Variants in SPTLC1 observed in about 807,000 individuals in gnomAD.
The protein encoded by SPTLC1 is serine palmitoyltransferase long chain base subunit 1, also known as serine palmitoyltransferase 1.
In SPTLC1, 55 loss-of-function variants were observed where a neutral mutation model predicts 68.9. The ratio of observed to expected loss-of-function variants is 0.80; its 90% CI spans 0.64 to 1.00. The LOEUF (loss-of-function observed/expected upper bound fraction) is 1.00, where lower values mean the gene tolerates loss of function less well. Ranked by LOEUF, SPTLC1 falls within the 50% of genes least tolerant of loss-of-function variation. The pLI is 0.00. For synonymous variants in SPTLC1, 197 were observed against 201.6 expected, an observed-to-expected ratio of 0.98 and a Z score of 0.19; for missense variants, 449 against 573.1, an observed-to-expected ratio of 0.78 and a Z score of 2.21.
At chr9:92,094,691 CAT>C (rs112794515) in intron 3 of SPTLC1, among the ~76,000 whole-genome samples, 66 of 152,334 alleles carry the variant, frequency 4.3e-4, no homozygotes, top group African/African-American at 6.0e-4. Flanking sequence ...AATTAAATCA[CAT>C]GTTTCTAGAA....
rs773682043 is a variant in SPTLC1, at chr9:92,115,404, A to G, written c.-34T>C. The G allele has an allele frequency of 6.2e-7, 1 of 1,610,110 alleles. No individual in the cohort carries two copies. Among genetic ancestry groups the G allele is most frequent in the South Asian group, 1.1e-5 (1 of 91,034 alleles). On this transcript the variant is annotated 5_prime_UTR_variant, in exon 1 of 15. Transcript: ENST00000262554. ...GCTTCCTTCCGGAAGGCGGGTCACA[A>G]GCGCGTCCCAAAAGTGCGCGTCGCT...
Position 92,055,461 on chromosome 9 carries a change from T to C in SPTLC1, c.724A>G (p.Ile242Val). ...PRKARVTRRFIVVEGLYMNTG... is the reference protein window; with the variant it reads ...PRKARVTRRFVVVEGLYMNTG... ...TTCATATACAATCCTTCTACTACAA[T>C]GAAACGCCGAGTTACACGAGCCTTG... is the stretch of plus-strand genomic sequence containing the variant. Residue 242 changes from isoleucine (I) to valine (V), a missense_variant, in exon 8 of 15, where the codon ATT becomes GTT. Coordinates refer to ENST00000262554, the MANE Select transcript of SPTLC1 (RefSeq NM_006415.4). 1 of 1,613,818 alleles carries C rather than the reference T, an allele frequency of 6.2e-7. No homozygotes were observed. Among genetic ancestry groups the C allele is most frequent in the Non-Finnish European group, 8.5e-7 (1 of 1,179,972 alleles).
In SPTLC1 at chr9:92,038,293, C is replaced by T. The variant is rs568357208; in HGVS notation, c.1209G>A (p.Gly403=). The change falls in exon 13 of 15, where the codon GGG becomes GGA. Residue 403 remains glycine (G), a synonymous_variant. Transcript: ENST00000262554. ...GCAGTCTGACATCTTGCTCGCGAGA[C>T]CCAGTGCTCTCTTCCAGTTGTAGGT... ...AFHLQLEEST[G]SREQDVRLLQ... The T allele has an allele frequency of 6.2e-7, 1 of 1,614,134 alleles. No homozygotes were observed. The highest frequency in any genetic ancestry group is 1.1e-5 in the South Asian group (1 of 91,076).
rs1391593753 is a variant in SPTLC1, at chr9:92,032,253, T to C, written c.*212A>G. 3 of 1,516,034 alleles carry C rather than the reference T, an allele frequency of 2.0e-6. No homozygotes were observed. Among genetic ancestry groups the C allele is most frequent in the Non-Finnish European group, 2.6e-6 (3 of 1,137,678 alleles). The allele number at this position is 1,516,034 out of a possible 1,614,324, so 93.9% of individuals were successfully genotyped here. ...GTCATTAGTTTTCCTCTTAAAAAAA[T>C]CAGTTCCTGGGCTTTTAGATGTGTT... On this transcript the variant is annotated 3_prime_UTR_variant, in exon 15 of 15. Transcript: ENST00000262554.
At chr9:92,074,239 T>C (rs60743157) in intron 5 of SPTLC1, among the ~76,000 whole-genome samples, 16,375 of 152,030 alleles carry the variant, frequency 0.11, 1,917 homozygotes, top group African/African-American at 0.3. Flanking sequence ...CTGTTTCCCT[T>C]GCCCCCACAA....
At chr9:92,099,393 C>T (rs550248163) in intron 3 of SPTLC1, among the ~76,000 whole-genome samples, 3 of 152,070 alleles carry the variant, frequency 2.0e-5, no homozygotes, top group Non-Finnish European at 2.9e-5. Flanking sequence ...GATATACAGT[C>T]GCGTGCCATT....
At chr9:92,114,212 G>C (rs978456150) in intron 1 of SPTLC1, among the ~76,000 whole-genome samples, 3 of 152,148 alleles carry the variant, frequency 2.0e-5, no homozygotes, top group Admixed American at 2.0e-4. Flanking sequence ...CAACGCAGCA[G>C]TGAGCTGATC....
At chr9:92,084,034 T>G (rs1036318669) in intron 3 of SPTLC1, among the ~76,000 whole-genome samples, 1 of 152,060 alleles carries the variant, frequency 6.6e-6, no homozygotes, top group Non-Finnish European at 1.5e-5. Context: ...ATGATTTGGC[T>G]CTCTGTTTGT....
chr9:92,055,569 C>T, intron 7 of SPTLC1, 75 bp from the exon 8 acceptor site: 2 of 1,393,136 alleles, frequency 1.4e-6, no homozygotes, highest in Non-Finnish European at 1.0e-6. Context: ...TTCCCCAGCA[C>T]TTTCACCTTA....
chr9:92,049,902 G>C, intron 9 of SPTLC1, 58 bp downstream of exon 9: 1 of 1,121,486 alleles, frequency 8.9e-7, no homozygotes, highest in Non-Finnish European at 1.4e-6. Flanking sequence ...AGGCCTAGCA[G>C]AATGGAACTA....
At chr9:92,085,135 T>C (rs1470564484) in intron 3 of SPTLC1, among the ~76,000 whole-genome samples, 17 of 145,264 alleles carry the variant, frequency 1.2e-4, no homozygotes, top group African/African-American at 2.3e-4. Context: ...TCTCTCTTTT[T>C]TTCTTTATTA....
chr9:92,071,522 T>C (rs1019141008), intron 5 of SPTLC1, among the ~76,000 whole-genome samples: 5 of 152,238 alleles, frequency 3.3e-5, no homozygotes, highest in Admixed American at 2.0e-4. Context: ...TTTTCATGTT[T>C]TCACATGCGG....
At chr9:92,072,782 G>A (rs979329203) in intron 5 of SPTLC1, among the ~76,000 whole-genome samples, 1 of 151,998 alleles carries the variant, frequency 6.6e-6, no homozygotes, top group Non-Finnish European at 1.5e-5. Context: ...TGCAAAATGG[G>A]CAAATGGTCT....
At chr9:92,112,655 G>T in intron 1 of SPTLC1, 93 bp from the exon 2 acceptor site, 1 of 787,188 alleles carries the variant, frequency 1.3e-6, no homozygotes, top group South Asian at 1.4e-5. Context: ...TGCCTCCTGT[G>T]ACTTTTAGCC....
chr9:92,099,524 G>C (rs992937041), intron 3 of SPTLC1, among the ~76,000 whole-genome samples: 44 of 150,458 alleles, frequency 2.9e-4, no homozygotes, highest in Non-Finnish European at 3.7e-4. Flanking sequence ...CTGTTGCCCA[G>C]GATGGAGCAC....
intron 3 of SPTLC1, among the ~76,000 whole-genome samples, chr9:92,093,583 G>C (rs1835440458): frequency 6.6e-6 from 1 of 151,922 alleles, no homozygotes; most frequent in Admixed American, 6.6e-5. Context: ...AGTAAATAAA[G>C]GTAACAAAAT....
At chr9:92,114,660 G>A (rs1056414037) in intron 1 of SPTLC1, among the ~76,000 whole-genome samples, 4 of 151,824 alleles carry the variant, frequency 2.6e-5, no homozygotes, top group Non-Finnish European at 5.9e-5. Context: ...GCTTAAACCC[G>A]GGAGGCGGAG....
intron 8 of SPTLC1, among the ~76,000 whole-genome samples, chr9:92,053,196 C>T (rs1281492723): frequency 4.0e-5 from 6 of 151,228 alleles, no homozygotes; most frequent in Admixed American, 3.9e-4. Flanking sequence ...ATCAAAACCA[C>T]AGTGAGATAC....
chr9:92,084,909 C>T (rs1342827087), intron 3 of SPTLC1, among the ~76,000 whole-genome samples: 1 of 152,244 alleles, frequency 6.6e-6, no homozygotes, highest in Admixed American at 6.5e-5. Context: ...ATTATTGCCA[C>T]AATTTCAGAG....
Sources: allele counts gnomAD v4.1 joint callset (sites outside exome capture counted in the v4.1 genomes callset), GRCh38; gene constraint gnomAD v4.1.1; transcripts MANE v1.5; gene names NCBI Gene and HGNC (gene_info 2026-07-23, HGNC 2026-07-21).